Variants in CNTLN observed in about 807,000 individuals in gnomAD.
The protein encoded by CNTLN is centlein, centrosomal protein.
CNTLN carries 212 observed loss-of-function variants against 180.0 expected under a neutral mutation model. That is an observed-to-expected ratio of 1.18 (90% CI 1.05 to 1.32). The LOEUF (loss-of-function observed/expected upper bound fraction) is 1.32, where lower values mean the gene tolerates loss of function less well. Among genes scored for constraint, CNTLN ranks in the 40% most tolerant of loss-of-function variants. CNTLN has a pLI of 0.00. For synonymous variants in CNTLN, 722 were observed against 563.1 expected (o/e 1.28, Z -3.99); for missense variants, 2,095 against 1,610.9 (o/e 1.30, Z -5.14).
At position 17,310,258 on chromosome 9, in the gene CNTLN, T is replaced by A. The variant is rs141334203; in HGVS notation, c.1341+1006T>A. On this transcript the variant is annotated intron_variant, in intron 8 of 25. Transcript: ENST00000380647. ...AAACTTCTTATCATTTTGATTTTTT[T>A]AAACAGTTTTATCATATACAAATTT... 6.6e-3 allele frequency among the ~76,000 whole-genome samples: 1,001 copies of A among 152,270 alleles called. 7 individuals are homozygous for A. The highest frequency in any genetic ancestry group is 0.023 in the African/African-American group (959 of 41,574).
At chr9:17,517,211 A>C in the CNTLN span, among the ~76,000 whole-genome samples, 10 of 151,978 alleles carry the variant, frequency 6.6e-5, no homozygotes, top group Non-Finnish European at 7.4e-5. Flanking sequence ...TAACATGGTG[A>C]AACCCCGTCT....
Position 17,163,987 on chromosome 9 carries a change from C to A in CNTLN, c.449+20611C>A, listed in dbSNP as rs550259512. On this transcript the variant is annotated intron_variant, in intron 2 of 25. Transcript: ENST00000380647. ...TGAGCTGAATTCATGCCACTGCACT[C>A]CAGCCTGGGCAACAGAGCAAGACTC... Among the ~76,000 whole-genome samples the A allele has an allele frequency of 7.2e-5, 11 of 151,792 alleles. 1 individual carries two copies. In the South Asian group the frequency reaches 2.3e-3, roughly 32 times the overall value.
At chr9:17,400,572 A>G (rs1826893586) in intron 15 of CNTLN, among the ~76,000 whole-genome samples, 1 of 152,188 alleles carries the variant, frequency 6.6e-6, no homozygotes, top group African/African-American at 2.4e-5. Context: ...TCTATGCTTC[A>G]ATTTCATTAT....
intron 5 of CNTLN, among the ~76,000 whole-genome samples, chr9:17,251,206 T>A (rs942994154): frequency 6.6e-6 from 1 of 151,962 alleles, no homozygotes; most frequent in Admixed American, 6.6e-5. Flanking sequence ...TTTCAAGAGT[T>A]TGATTATAAT....
At chr9:17,168,825 G>A (rs1328138633) in intron 2 of CNTLN, among the ~76,000 whole-genome samples, 2 of 152,100 alleles carry the variant, frequency 1.3e-5, no homozygotes, top group South Asian at 2.1e-4. Context: ...GAATAAGAGT[G>A]GGTTATAGTA....
intron 18 of CNTLN, among the ~76,000 whole-genome samples, chr9:17,432,095 A>T (rs74563187): frequency 1.3e-5 from 2 of 152,168 alleles, no homozygotes; most frequent in Non-Finnish European, 2.9e-5. Flanking sequence ...GAGACCCAGT[A>T]CTTTGAAACA....
intron 20 of CNTLN, 43 bp downstream of exon 20, chr9:17,463,056 A>G: frequency 9.0e-7 from 1 of 1,110,068 alleles, no homozygotes; most frequent in Non-Finnish European, 1.3e-6. Flanking sequence ...GGTGCCACCT[A>G]GTGGCAACCA....
chr9:17,399,484 A>G (rs775019530), intron 15 of CNTLN, among the ~76,000 whole-genome samples: 2 of 152,148 alleles, frequency 1.3e-5, no homozygotes, highest in Non-Finnish European at 2.9e-5. Context: ...CTCATTCAAA[A>G]TTATTTTACA....
intron 25 of CNTLN, among the ~76,000 whole-genome samples, chr9:17,493,076 G>A (rs1329663081): frequency 3.9e-5 from 6 of 151,988 alleles, no homozygotes; most frequent in South Asian, 4.1e-4. Flanking sequence ...CTGGTGGAAC[G>A]AGGGGAATGG....
intron 23 of CNTLN, among the ~76,000 whole-genome samples, chr9:17,467,696 C>A (rs1452645632): frequency 1.3e-5 from 2 of 151,602 alleles, no homozygotes; most frequent in Non-Finnish European, 3.0e-5. Flanking sequence ...TTTCCAGATT[C>A]AAAACACTAT....
Position 17,237,739 on chromosome 9 carries a change from G to A in CNTLN, c.849+1151G>A, listed in dbSNP as rs1440134796. Among the ~76,000 whole-genome samples, 5 of 152,018 alleles carry A rather than the reference G, an allele frequency of 3.3e-5. No homozygotes were observed. The South Asian group carries it at 1.0e-3, about 32-fold the overall frequency. ...GAATACTGAGGGACGATGGTAATAT[G>A]TATGGATATATGTGTGTGTATATGC... is the stretch of plus-strand genomic sequence containing the variant. On this transcript the variant is annotated intron_variant, in intron 5 of 25. Transcript: ENST00000380647.
chr9:17,509,536 A>G, the CNTLN span, among the ~76,000 whole-genome samples: 1 of 152,178 alleles, frequency 6.6e-6, no homozygotes, highest in South Asian at 2.1e-4. Flanking sequence ...GTTCGTCACC[A>G]TCCTAAATCA....
At chr9:17,268,525 T>A (rs1827678876) in intron 5 of CNTLN, among the ~76,000 whole-genome samples, 1 of 152,164 alleles carries the variant, frequency 6.6e-6, no homozygotes, top group African/African-American at 2.4e-5. Flanking sequence ...CGTTCTCAGA[T>A]CTCTAGCCGC....
intron 2 of CNTLN, among the ~76,000 whole-genome samples, chr9:17,183,186 A>C (rs1224538665): frequency 6.6e-6 from 1 of 152,218 alleles, no homozygotes; most frequent in East Asian, 1.9e-4. Flanking sequence ...TATCATTTAC[A>C]TATTTTTTTG....
chr9:17,256,567 T>TC (rs1563925907), intron 5 of CNTLN, among the ~76,000 whole-genome samples: 2 of 151,716 alleles, frequency 1.3e-5, no homozygotes, highest in African/African-American at 4.8e-5. Flanking sequence ...TTCTCTTTTT[T>TC]TTTTTAGTGT....
chr9:17,247,674 T>C (rs1463277375), intron 5 of CNTLN, among the ~76,000 whole-genome samples: 3 of 152,156 alleles, frequency 2.0e-5, no homozygotes, highest in African/African-American at 7.2e-5. Context: ...TGTTCGTGCA[T>C]GGAGAATGAT....
chr9:17,423,962 C>T (rs1828907031), intron 18 of CNTLN, among the ~76,000 whole-genome samples: 1 of 151,998 alleles, frequency 6.6e-6, no homozygotes, highest in Non-Finnish European at 1.5e-5. Context: ...ATGTTAAAAC[C>T]AGCTTTTAAC....
At chr9:17,432,070 C>G (rs1326515082) in intron 18 of CNTLN, among the ~76,000 whole-genome samples, 1 of 152,000 alleles carries the variant, frequency 6.6e-6, no homozygotes, top group Non-Finnish European at 1.5e-5. Flanking sequence ...TTATGGTGAT[C>G]TTGTATCAAT....
rs201528209 is a variant in CNTLN at position 17,414,098 on chromosome 9, GTGAA to G, written c.2797-1689_2797-1686del. 9.3e-3 allele frequency among the ~76,000 whole-genome samples: 1,423 copies of G among 152,260 alleles called. 5 individuals carry two copies. The highest frequency in any genetic ancestry group is 0.014 in the Non-Finnish European group (968 of 68,004). On this transcript the variant is annotated intron_variant, in intron 16 of 25. Transcript: ENST00000380647. Reference sequence around the variant, plus strand: ...GACCTGAAATTTCTCATCTTGGATTGTGAACTAGGCTTTCTTTCTTGCCTTCTGC... The same window carrying G: ...GACCTGAAATTTCTCATCTTGGATTGCTAGGCTTTCTTTCTTGCCTTCTGC...
Sources: allele counts gnomAD v4.1 joint callset (sites outside exome capture counted in the v4.1 genomes callset), GRCh38; gene constraint gnomAD v4.1.1; transcripts MANE v1.5; gene names NCBI Gene and HGNC (gene_info 2026-07-23, HGNC 2026-07-21).